The following KLRD1 variants were observed in gnomAD, a reference collection of about 807,000 sequenced individuals.
KLRD1 encodes the protein killer cell lectin like receptor D1.
Under a neutral mutation model 22.6 loss-of-function variants are expected in KLRD1, and 21 were observed. That is an observed-to-expected ratio of 0.93 (90% CI 0.66 to 1.34). The LOEUF is 1.34. Among genes scored for constraint, KLRD1 ranks in the 40% most tolerant of loss-of-function variants. The pLI, the probability that KLRD1 is intolerant of heterozygous loss-of-function variation, is 0.00. For synonymous variants in KLRD1, 59 were observed against 71.1 expected, an observed-to-expected ratio of 0.83 and a Z score of 0.85; for missense variants, 183 against 208.6, an observed-to-expected ratio of 0.88 and a Z score of 0.76.
At chr12:10,242,510 A>G (rs987428571) in intron 1 of KLRD1, among the ~76,000 whole-genome samples, 1 of 152,174 alleles carries the variant, frequency 6.6e-6, no homozygotes, top group South Asian at 2.1e-4. Flanking sequence ...GGGAGTGCAG[A>G]TATATCTTCA....
upstream of KLRD1, among the ~76,000 whole-genome samples, chr12:10,302,923 A>C (rs1949879441): frequency 6.6e-6 from 1 of 152,192 alleles, no homozygotes; most frequent in Admixed American, 6.5e-5. Context: ...TCATAATCCT[A>C]ACCTCGTGAC....
chr12:10,290,908 A>G (rs1949763812), intron 1 of KLRD1, among the ~76,000 whole-genome samples: 1 of 152,206 alleles, frequency 6.6e-6, no homozygotes, highest in Non-Finnish European at 1.5e-5. Flanking sequence ...AGGTCTATGG[A>G]TTGTACCAAT....
intron 1 of KLRD1, among the ~76,000 whole-genome samples, chr12:10,239,478 C>T (rs58886443): frequency 1.0e-5 from 1 of 100,056 alleles, no homozygotes; most frequent in African/African-American, 5.1e-5. Flanking sequence ...TCCTTCCTTC[C>T]TTCCTTCTTC....
chr12:10,287,928 C>T (rs925978354), intron 1 of KLRD1, among the ~76,000 whole-genome samples: 3 of 151,842 alleles, frequency 2.0e-5, no homozygotes, highest in Admixed American at 6.6e-5. Context: ...ATTAGCCGGG[C>T]GTGGTGGCGG....
At chr12:10,241,666 ATAGTT>A (rs1949242314) in intron 1 of KLRD1, among the ~76,000 whole-genome samples, 1 of 152,168 alleles carries the variant, frequency 6.6e-6, no homozygotes, top group African/African-American at 2.4e-5. Flanking sequence ...CCAGAGAACT[ATAGTT>A]AGGAAGAAAT....
intron 1 of KLRD1, among the ~76,000 whole-genome samples, chr12:10,246,273 A>G (rs965983324): frequency 1.3e-5 from 2 of 152,074 alleles, no homozygotes; most frequent in Non-Finnish European, 2.9e-5. Flanking sequence ...TTTTCATCCC[A>G]TATACACACA....
chr12:10,291,379 G>T (rs1209049861), intron 1 of KLRD1, among the ~76,000 whole-genome samples: 1 of 152,116 alleles, frequency 6.6e-6, no homozygotes, highest in Non-Finnish European at 1.5e-5. Flanking sequence ...CTGTTTCATT[G>T]CATTTTACCC....
chr12:10,299,422 C>T (rs1209570346), intron 1 of KLRD1, among the ~76,000 whole-genome samples: 1 of 152,078 alleles, frequency 6.6e-6, no homozygotes, highest in Non-Finnish European at 1.5e-5. Context: ...GATTAGAGAA[C>T]ACCACAATAA....
chr12:10,265,151 AT>A (rs1949487889), intron 1 of KLRD1, among the ~76,000 whole-genome samples: 2 of 152,094 alleles, frequency 1.3e-5, no homozygotes, highest in South Asian at 4.1e-4. Flanking sequence ...CCTAGAAATT[AT>A]TTTTTACTTT....
At chr12:10,239,025 C>T (rs1215667567) in intron 1 of KLRD1, among the ~76,000 whole-genome samples, 1 of 150,540 alleles carries the variant, frequency 6.6e-6, no homozygotes, top group Non-Finnish European at 1.5e-5. Context: ...TCGAAAAGCT[C>T]AAGAATTCTA....
At chr12:10,300,839 A>G (rs572872739), upstream of KLRD1, among the ~76,000 whole-genome samples, 5 of 152,348 alleles carry the variant, frequency 3.3e-5, no homozygotes, top group Non-Finnish European at 7.3e-5. Context: ...CAGCTTCTAT[A>G]TCAGCACTTG....
At position 10,257,482 on chromosome 12, in the gene KLRD1, C is replaced by CTTTTTTT. The variant is rs56871156; in HGVS notation, c.-101+31264_-101+31270dup. On this transcript the variant is annotated intron_variant, in intron 1 of 5. Transcript: ENST00000544747. ...TGGTTTACTTTCCAGGTAGCTGATT[C>CTTTTTTT]TTTTTTTTTTTTTTTTTTTTTGTAG... Among the ~76,000 whole-genome samples the CTTTTTTT allele has an allele frequency of 1.4e-3, 140 of 97,332 alleles. 1 individual carries two copies. The highest frequency in any genetic ancestry group is 5.1e-3 in the African/African-American group (124 of 24,102). 63.9% of individuals were successfully genotyped at this position (97,332 alleles called of 152,430 possible). A position where few individuals can be genotyped will look rare whatever the true frequency, so the allele number is the denominator to read the frequency against.
chr12:10,311,159 C>G (rs180991860), intron 3 of KLRD1, among the ~76,000 whole-genome samples: 122 of 152,286 alleles, frequency 8.0e-4, no homozygotes, highest in African/African-American at 2.9e-3. Flanking sequence ...TCATCTTACA[C>G]TCTGCTACAT....
At chr12:10,261,041 A>AT (rs1203704990) in intron 1 of KLRD1, among the ~76,000 whole-genome samples, 1 of 152,090 alleles carries the variant, frequency 6.6e-6, no homozygotes. Context: ...CTTTATGTGC[A>AT]TTTTTTGTTT....
At chr12:10,271,646 A>G (rs1027643703) in intron 1 of KLRD1, among the ~76,000 whole-genome samples, 1 of 152,194 alleles carries the variant, frequency 6.6e-6, no homozygotes, top group Non-Finnish European at 1.5e-5. Flanking sequence ...TGAGTATATT[A>G]TACTTTCCTC....
At chr12:10,267,519 A>C (rs1336326161) in intron 1 of KLRD1, among the ~76,000 whole-genome samples, 1 of 152,244 alleles carries the variant, frequency 6.6e-6, no homozygotes, top group Non-Finnish European at 1.5e-5. Flanking sequence ...TCTCATGAAG[A>C]TAATCCAGCA....
intron 1 of KLRD1, among the ~76,000 whole-genome samples, chr12:10,263,110 T>C (rs965722563): frequency 1.3e-5 from 2 of 152,050 alleles, no homozygotes; most frequent in Admixed American, 6.6e-5. Context: ...ACATAGCTTT[T>C]TCCTACTCAG....
At chr12:10,299,006 C>T (rs1419899446) in intron 1 of KLRD1, among the ~76,000 whole-genome samples, 10 of 152,132 alleles carry the variant, frequency 6.6e-5, no homozygotes, top group Admixed American at 5.9e-4. Context: ...TGGTCCTGCC[C>T]CAAGGGGAAA....
In KLRD1 at chr12:10,309,479, T is replaced by G; in HGVS notation, c.99T>G (p.Asn33Lys). 1 of 1,460,356 alleles carries G rather than the reference T, an allele frequency of 6.8e-7. No individual in the cohort carries two copies. The highest frequency in any genetic ancestry group is 9.6e-7 in the Non-Finnish European group (1 of 1,039,878). 90.5% of individuals were successfully genotyped at this position (1,460,356 alleles called of 1,614,324 possible). A position where few individuals can be genotyped will look rare whatever the true frequency, so the allele number is the denominator to read the frequency against. ...LMSTLGILLK[N>K]SFTKLSIEPA... is the part of the protein sequence containing the mutation. ...CTACGTTGGGAATTTTGTTGAAAAA[T>G]TGTAAGTTTTTCTAAGCAAGTCTCC... Residue 33 changes from asparagine (N) to lysine (K), a missense_variant and splice_region_variant, in exon 2 of 6, where the codon AAT becomes AAG. Asn to Lys is a moderately conservative substitution (Grantham distance 94). Coordinates refer to ENST00000336164, the MANE Select transcript of KLRD1 (RefSeq NM_002262.5).
Sources: gnomAD v4.1 joint callset for allele counts (sites outside exome capture counted in the v4.1 genomes callset) on GRCh38, gnomAD v4.1.1 for gene constraint, MANE v1.5 for transcripts, NCBI Gene and HGNC (gene_info 2026-07-23, HGNC 2026-07-21) for gene names.